Variants in ERICH1 observed in about 807,000 individuals in gnomAD.
ERICH1 encodes the protein glutamate-rich protein 1.
In ERICH1, 56 loss-of-function variants were observed where a neutral mutation model predicts 39.6. The ratio of observed to expected loss-of-function variants is 1.41; its 90% confidence interval spans 1.14 to 1.77. ERICH1 has a LOEUF of 1.77. ERICH1 is among the 40% of genes most tolerant of loss of function. The probability of loss-of-function intolerance (pLI) is 0.00; values close to 1 mark genes in which losing one functional copy is unlikely to be tolerated. For missense variants in ERICH1, 826 were observed against 575.4 expected, an observed-to-expected ratio of 1.44 and a Z score of -4.45; for synonymous variants, 313 against 223.6, an observed-to-expected ratio of 1.40 and a Z score of -3.57.
intron 5 of ERICH1, chr8:667,951 C>T (rs144224387): frequency 2.6e-3 from 402 of 154,522 alleles, no homozygotes; most frequent in Non-Finnish European, 3.8e-3. Flanking sequence ...ACGGGTGCCA[C>T]GGACCCTCCT....
intron 3 of ERICH1, among the ~76,000 whole-genome samples, chr8:683,322 G>C (rs962057410): frequency 6.6e-6 from 1 of 152,138 alleles, no homozygotes; most frequent in Non-Finnish European, 1.5e-5. Flanking sequence ...GGGCTTCAGG[G>C]AATAAAGGTA....
chr8:723,241 C>A (rs1301829041), intron 1 of ERICH1, among the ~76,000 whole-genome samples: 1 of 152,244 alleles, frequency 6.6e-6, no homozygotes, highest in Non-Finnish European at 1.5e-5. Flanking sequence ...TGGCGCCATG[C>A]TCCCTGTACA....
At chr8:630,602 T>G (rs535164242) in intron 3 of ERICH1, among the ~76,000 whole-genome samples, 1 of 92,082 alleles carries the variant, frequency 1.1e-5, no homozygotes, top group East Asian at 3.4e-4. Context: ...ACTCACACCC[T>G]CCCGTGAGCA....
At chr8:638,609 C>T (rs1045643826) in intron 3 of ERICH1, among the ~76,000 whole-genome samples, 4 of 152,118 alleles carry the variant, frequency 2.6e-5, no homozygotes, top group Non-Finnish European at 2.9e-5. Flanking sequence ...AACTGTCTTG[C>T]GATGGAAACT....
At chr8:703,174 C>T (rs1002228565) in intron 2 of ERICH1, among the ~76,000 whole-genome samples, 2 of 152,178 alleles carry the variant, frequency 1.3e-5, no homozygotes, top group African/African-American at 2.4e-5. Flanking sequence ...CAGTTCAGCA[C>T]AGCCAAATGC....
At chr8:725,762 A>C (rs929661953) in intron 1 of ERICH1, 2 of 152,798 alleles carry the variant, frequency 1.3e-5, no homozygotes, top group African/African-American at 4.8e-5. Flanking sequence ...CCATGCACCA[A>C]CACTCCCGCA....
In ERICH1 at chr8:633,603, CTGGAG is replaced by C. The variant is rs1400265675; in HGVS notation, c.977-18324_977-18320del. On this transcript the variant is annotated intron_variant, in intron 3 of 3. Coordinates refer to the ERICH1 transcript ENST00000522706. The stretch of plus-strand genomic sequence containing the variant: ...CAAAACAATCCTAAAAAGAACGAAG[CTGGAG>C]ACTCACATTTCCTGATTCAAAATTT... 5.3e-5 allele frequency among the ~76,000 whole-genome samples: 8 copies of C among 152,190 alleles called. No individual in the cohort carries two copies. In the East Asian group the frequency reaches 1.5e-3, roughly 29 times the overall value.
Position 673,474 on chromosome 8 carries a change from G to C in ERICH1, c.878C>G (p.Thr293Ser). 6.2e-7 allele frequency: 1 copy of C among 1,611,638 alleles called. No individual in the cohort carries two copies. Among genetic ancestry groups the C allele is most frequent in the Non-Finnish European group, 8.5e-7 (1 of 1,179,878 alleles). The stretch of plus-strand genomic sequence containing the variant: ...GGCGTCCGCACCGTCCTCCTCCCTG[G>C]TGTCTTTACCGTCTTCCTCCCCGGC... ...TRAGEEDGKDTREEDGADASE... is the reference protein window; with the variant it reads ...TRAGEEDGKDSREEDGADASE... The change falls in exon 4 of 6, where the codon ACC becomes AGC. Residue 293 changes from threonine (T) to serine (S), a missense_variant. Transcript: ENST00000262109.
At chr8:694,179 G>A (rs112918646) in intron 2 of ERICH1, among the ~76,000 whole-genome samples, 4,790 of 152,260 alleles carry the variant, frequency 0.031, 83 homozygotes, top group Middle Eastern at 0.044. Flanking sequence ...AGGTTCCACT[G>A]TAGTCAACAC....
chr8:674,611 G>A (rs914447578), intron 3 of ERICH1, among the ~76,000 whole-genome samples: 1 of 152,112 alleles, frequency 6.6e-6, no homozygotes, highest in African/African-American at 2.4e-5. Flanking sequence ...GCCAGTTGTT[G>A]CATTTTTATA....
chr8:655,569 G>A (rs1800534049), intron 3 of ERICH1, among the ~76,000 whole-genome samples: 1 of 152,160 alleles, frequency 6.6e-6, no homozygotes, highest in Admixed American at 6.5e-5. Context: ...GGATCACGCA[G>A]CAACCTTCAT....
intron 3 of ERICH1, among the ~76,000 whole-genome samples, chr8:643,156 G>A (rs565183441): frequency 5.9e-5 from 9 of 152,272 alleles, no homozygotes; most frequent in African/African-American, 1.7e-4. Context: ...GTCCACAGCC[G>A]GGGACTGCTT....
intron 3 of ERICH1, among the ~76,000 whole-genome samples, chr8:624,647 C>T (rs1051252113): frequency 1.3e-5 from 2 of 152,036 alleles, no homozygotes; most frequent in African/African-American, 2.4e-5. Context: ...GAAGCAGGCA[C>T]GTCTTGCATG....
Position 723,382 on chromosome 8 carries a change from G to C in ERICH1, c.23-7375C>G, listed in dbSNP as rs115580141. On this transcript the variant is annotated intron_variant, in intron 1 of 5. Coordinates refer to ENST00000262109, the MANE Select transcript of ERICH1 (RefSeq NM_207332.3). ...AATCAGTTTATAACATTCCTTTTTA[G>C]TTTCCACTTAATAGACTTACAAACA... 2.4e-3 allele frequency among the ~76,000 whole-genome samples: 366 copies of C among 152,294 alleles called. 4 individuals carry two copies. Among genetic ancestry groups the C allele is most frequent in the African/African-American group, 8.5e-3 (355 of 41,552 alleles).
intron 1 of ERICH1, 88 bp from the exon 2 acceptor site, chr8:716,095 A>AAC (rs1440561654): frequency 6.9e-6 from 10 of 1,456,952 alleles, no homozygotes; most frequent in Non-Finnish European, 8.2e-6. Context: ...ACTCTACACA[A>AAC]ACACACACAT....
intron 2 of ERICH1, among the ~76,000 whole-genome samples, chr8:712,281 T>C (rs1198272673): frequency 1.3e-5 from 2 of 152,208 alleles, no homozygotes; most frequent in Non-Finnish European, 2.9e-5. Flanking sequence ...TCCATGAACA[T>C]GGAATATCTG....
At chr8:711,956 T>C (rs62484217) in intron 2 of ERICH1, among the ~76,000 whole-genome samples, 2,344 of 152,340 alleles carry the variant, frequency 0.015, 28 homozygotes, top group Middle Eastern at 0.037. Context: ...CAGTGGTATT[T>C]ATGTGGGTCT....
At chr8:643,155 C>A (rs937713270) in intron 3 of ERICH1, among the ~76,000 whole-genome samples, 1 of 152,178 alleles carries the variant, frequency 6.6e-6, no homozygotes, top group Non-Finnish European at 1.5e-5. Flanking sequence ...CGTCCACAGC[C>A]GGGGACTGCT....
At chr8:683,500 G>C (rs762662999) in intron 3 of ERICH1, among the ~76,000 whole-genome samples, 1 of 152,174 alleles carries the variant, frequency 6.6e-6, no homozygotes, top group Non-Finnish European at 1.5e-5. Flanking sequence ...TAAAAAAATG[G>C]ATTCTCGCTC....
Sources: gnomAD v4.1 joint callset for allele counts (sites outside exome capture counted in the v4.1 genomes callset) on GRCh38, gnomAD v4.1.1 for gene constraint, MANE v1.5 for transcripts, NCBI Gene and HGNC (gene_info 2026-07-23, HGNC 2026-07-21) for gene names.